Variants in HMGCLL1 observed in about 807,000 individuals in gnomAD.
The protein encoded by HMGCLL1 is 3-hydroxy-3-methylglutaryl-CoA lyase like 1.
Under a neutral mutation model 39.1 loss-of-function variants are expected in HMGCLL1, and 36 were observed. That is an observed-to-expected ratio of 0.92 (90% CI 0.71 to 1.22). The LOEUF (loss-of-function observed/expected upper bound fraction) is 1.22. HMGCLL1 is among the 50% of genes most tolerant of loss of function. The pLI, the probability that HMGCLL1 is intolerant of heterozygous loss-of-function variation, is 0.00. For missense variants in HMGCLL1, 451 were observed against 416.5 expected (o/e 1.08, Z -0.72); for synonymous variants, 149 against 144.0 (o/e 1.03, Z -0.25).
chr6:55,588,154 G>C, the HMGCLL1 span, among the ~76,000 whole-genome samples: 2 of 152,104 alleles, frequency 1.3e-5, no homozygotes, highest in African/African-American at 2.4e-5. Flanking sequence ...ATAGTTGGAA[G>C]TAAAGCTCTC....
At chr6:55,572,782 T>C (rs1248801850) in intron 1 of HMGCLL1, among the ~76,000 whole-genome samples, 1 of 152,230 alleles carries the variant, frequency 6.6e-6, no homozygotes, top group Admixed American at 6.5e-5. Flanking sequence ...AATGGCTGAC[T>C]AGCTTGTTCA....
upstream of HMGCLL1, among the ~76,000 whole-genome samples, chr6:55,582,757 CA>C (rs1772006045): frequency 6.6e-6 from 1 of 151,998 alleles, no homozygotes; most frequent in African/African-American, 2.4e-5. Context: ...CATTTTATTT[CA>C]GAGAGAAAAA....
At chr6:55,601,574 C>T in the HMGCLL1 span, among the ~76,000 whole-genome samples, 59,259 of 151,920 alleles carry the variant, frequency 0.39, 11,940 homozygotes, top group East Asian at 0.6. Flanking sequence ...CTGCAAAGGG[C>T]ATAAATATAT....
chr6:55,602,145 C>T, the HMGCLL1 span, among the ~76,000 whole-genome samples: 1 of 152,010 alleles, frequency 6.6e-6, no homozygotes, highest in Non-Finnish European at 1.5e-5. Flanking sequence ...AATACATGGT[C>T]AAATAATCTA....
At chr6:55,502,221 C>A (rs1256726246) in intron 5 of HMGCLL1, among the ~76,000 whole-genome samples, 1 of 151,674 alleles carries the variant, frequency 6.6e-6, no homozygotes, top group African/African-American at 2.4e-5. Flanking sequence ...ATTTTACTGT[C>A]TCTGGTCTCA....
chr6:55,577,360 T>A (rs906489093), intron 1 of HMGCLL1, among the ~76,000 whole-genome samples: 158 of 145,562 alleles, frequency 1.1e-3, no homozygotes, highest in African/African-American at 3.7e-3. Flanking sequence ...AAAAAAAAAA[T>A]TTAAAATCTG....
chr6:55,445,199 A>G (rs1188518590), intron 7 of HMGCLL1, among the ~76,000 whole-genome samples: 1 of 152,010 alleles, frequency 6.6e-6, no homozygotes, highest in African/African-American at 2.4e-5. Context: ...CTACTTTATT[A>G]AGTGTGTAAT....
At chr6:55,626,241 T>G in the HMGCLL1 span, among the ~76,000 whole-genome samples, 1 of 152,148 alleles carries the variant, frequency 6.6e-6, no homozygotes, top group Non-Finnish European at 1.5e-5. Flanking sequence ...TTCCCTATCC[T>G]GCACACAATG....
chr6:55,519,797 T>G (rs574658361), intron 3 of HMGCLL1, among the ~76,000 whole-genome samples: 361 of 152,130 alleles, frequency 2.4e-3, no homozygotes, highest in African/African-American at 8.5e-3. Context: ...CAAATACAGA[T>G]TTGGATAGAG....
chr6:55,651,506 A>G, the HMGCLL1 span, among the ~76,000 whole-genome samples: 1 of 152,088 alleles, frequency 6.6e-6, no homozygotes, highest in African/African-American at 2.4e-5. Flanking sequence ...CTTAAGCAGA[A>G]GGAAGGAGCA....
At chr6:55,468,083 AGGCT>A (rs2127400994) in intron 7 of HMGCLL1, among the ~76,000 whole-genome samples, 1 of 152,116 alleles carries the variant, frequency 6.6e-6, no homozygotes, top group South Asian at 2.1e-4. Flanking sequence ...ACAAGAGAAA[AGGCT>A]GCAGTAGCAG....
At chr6:55,645,885 T>C in the HMGCLL1 span, among the ~76,000 whole-genome samples, 1 of 151,938 alleles carries the variant, frequency 6.6e-6, no homozygotes, top group Non-Finnish European at 1.5e-5. Context: ...GGTTTTGGTA[T>C]CAAGGTAGTA....
At chr6:55,505,526 G>A (rs1767111388) in intron 5 of HMGCLL1, among the ~76,000 whole-genome samples, 1 of 151,500 alleles carries the variant, frequency 6.6e-6, no homozygotes, top group Non-Finnish European at 1.5e-5. Flanking sequence ...TATTATTGTG[G>A]ATAACATAAA....
rs115508638 is a variant in HMGCLL1, at chr6:55,571,024, G to T, written c.108+7924C>A. Among the ~76,000 whole-genome samples the T allele has an allele frequency of 3.2e-3, 488 of 152,280 alleles. 5 individuals are homozygous for T. Among genetic ancestry groups the T allele is most frequent in the African/African-American group, 0.011 (453 of 41,546 alleles). The stretch of plus-strand genomic sequence containing the variant: ...TTATTCACTACCACAAGAACAGTAT[G>T]CGGGGAACACCCCTATGATTCAATT... On this transcript the variant is annotated intron_variant, in intron 1 of 8. Transcript: ENST00000274901.
At chr6:55,583,199 T>TTTA (rs1330463127), upstream of HMGCLL1, among the ~76,000 whole-genome samples, 2 of 152,084 alleles carry the variant, frequency 1.3e-5, no homozygotes, top group African/African-American at 2.4e-5. Context: ...TTTTCTTTTT[T>TTTA]TTATTATTAT....
intron 5 of HMGCLL1, among the ~76,000 whole-genome samples, chr6:55,510,509 G>T (rs1472887948): frequency 6.6e-6 from 1 of 150,962 alleles, no homozygotes; most frequent in African/African-American, 2.4e-5. Flanking sequence ...GATGAAATTG[G>T]AAATCATCAT....
chr6:55,627,166 C>T, the HMGCLL1 span, among the ~76,000 whole-genome samples: 2 of 151,724 alleles, frequency 1.3e-5, no homozygotes, highest in African/African-American at 2.4e-5. Flanking sequence ...ACCACGTGAC[C>T]AGCTGTAGAA....
At chr6:55,614,691 T>C in the HMGCLL1 span, among the ~76,000 whole-genome samples, 1 of 152,166 alleles carries the variant, frequency 6.6e-6, no homozygotes, top group Non-Finnish European at 1.5e-5. Context: ...TTTTGATCTA[T>C]AGGAAGTTTA....
the HMGCLL1 span, among the ~76,000 whole-genome samples, chr6:55,587,199 A>G: frequency 6.6e-6 from 1 of 152,082 alleles, no homozygotes; most frequent in African/African-American, 2.4e-5. Context: ...CTTCTTTTGA[A>G]AAGTGTCTGT....
Sources: allele counts gnomAD v4.1 joint callset (sites outside exome capture counted in the v4.1 genomes callset), GRCh38; gene constraint gnomAD v4.1.1; transcripts MANE v1.5; gene names NCBI Gene and HGNC (gene_info 2026-07-23, HGNC 2026-07-21).